Variants in DCLK1 observed in about 807,000 individuals in gnomAD.
The protein encoded by DCLK1 is doublecortin like kinase 1, also known as serine/threonine-protein kinase DCLK1.
A neutral mutation model predicts 86.2 loss-of-function variants in DCLK1; 16 were observed. The observed-to-expected ratio is 0.19, with a 90% CI of 0.13 to 0.28. The LOEUF (loss-of-function observed/expected upper bound fraction) is 0.28. Among genes scored for constraint, DCLK1 ranks in the 10% least tolerant of loss-of-function variants. DCLK1 has a pLI of 1.00. For missense variants in DCLK1, 590 were observed against 940.2 expected (o/e 0.63, Z 4.87); for synonymous variants, 369 against 370.5 (o/e 1.00, Z 0.05).
chr13:35,979,408 C>T (rs1224487165), intron 3 of DCLK1, among the ~76,000 whole-genome samples: 7 of 152,094 alleles, frequency 4.6e-5, no homozygotes, highest in African/African-American at 1.2e-4. Context: ...TGGGGTGAGG[C>T]GCAGAAAGCT....
chr13:35,785,794 A>G (rs1019280535), intron 16 of DCLK1, among the ~76,000 whole-genome samples: 1 of 152,218 alleles, frequency 6.6e-6, no homozygotes, highest in Non-Finnish European at 1.5e-5. Flanking sequence ...TTTGTGTTAG[A>G]AAGTTGGCTG....
intron 3 of DCLK1, among the ~76,000 whole-genome samples, chr13:36,089,357 C>T (rs1388663625): frequency 6.6e-6 from 1 of 152,200 alleles, no homozygotes; most frequent in Non-Finnish European, 1.5e-5. Flanking sequence ...TAGGCCTGAA[C>T]AGAAGCACAG....
At chr13:36,114,297 T>G (rs1178871264) in intron 2 of DCLK1, among the ~76,000 whole-genome samples, 3 of 152,178 alleles carry the variant, frequency 2.0e-5, no homozygotes, top group Non-Finnish European at 2.9e-5. Flanking sequence ...GCTGGTTTGG[T>G]TCAAGCAACA....
intron 4 of DCLK1, among the ~76,000 whole-genome samples, chr13:35,874,788 T>C (rs761365517): frequency 6.6e-6 from 1 of 152,136 alleles, no homozygotes; most frequent in African/African-American, 2.4e-5. Context: ...AAACAGAGCT[T>C]TGGAACGTGC....
intron 16 of DCLK1, among the ~76,000 whole-genome samples, chr13:35,780,596 T>C (rs1593581477): frequency 6.6e-6 from 1 of 152,324 alleles, no homozygotes; most frequent in East Asian, 1.9e-4. Flanking sequence ...TGAGTAATGA[T>C]GGCTTGGGGG....
At position 36,109,929 on chromosome 13, in the gene DCLK1, C is replaced by A. The variant is rs61948298; in HGVS notation, c.723+1940G>T. 7.6e-3 allele frequency among the ~76,000 whole-genome samples: 1,160 copies of A among 152,176 alleles called. 12 individuals carry two copies. The highest frequency in any genetic ancestry group is 0.022 in the Admixed American group (329 of 15,282). On this transcript the variant is annotated intron_variant, in intron 3 of 16. Coordinates refer to ENST00000360631, the MANE Select transcript of DCLK1 (RefSeq NM_001330071.2). Reference sequence around the variant, plus strand: ...TGTAGGGATTTATTCCTGAAATAAACAAAATTAAATAATCAGCTGATGGCA... The same window carrying A: ...TGTAGGGATTTATTCCTGAAATAAAAAAAATTAAATAATCAGCTGATGGCA...
intron 4 of DCLK1, among the ~76,000 whole-genome samples, chr13:35,932,167 G>A (rs533280874): frequency 6.6e-6 from 1 of 152,276 alleles, no homozygotes; most frequent in African/African-American, 2.4e-5. Context: ...CAGAACAAAA[G>A]GTAGATGAAG....
intron 4 of DCLK1, among the ~76,000 whole-genome samples, chr13:35,946,297 C>A (rs1325927052): frequency 6.6e-6 from 1 of 152,056 alleles, no homozygotes; most frequent in Non-Finnish European, 1.5e-5. Flanking sequence ...AGCCACCATG[C>A]CCATCCTCTA....
chr13:36,129,562 G>A (rs1317914592), intron 1 of DCLK1, among the ~76,000 whole-genome samples: 1 of 152,214 alleles, frequency 6.6e-6, no homozygotes, highest in Non-Finnish European at 1.5e-5. Context: ...CAACAAAATA[G>A]GTGTTCTTTC....
chr13:35,918,739 G>A (rs998439787), intron 4 of DCLK1, among the ~76,000 whole-genome samples: 2 of 152,030 alleles, frequency 1.3e-5, no homozygotes, highest in Middle Eastern at 3.4e-3. Context: ...ATGACTGGCC[G>A]TATCTACCTC....
chr13:35,923,363 T>C (rs1175881690), intron 4 of DCLK1, among the ~76,000 whole-genome samples: 1 of 151,712 alleles, frequency 6.6e-6, no homozygotes, highest in East Asian at 1.9e-4. Context: ...AAGATGCCAC[T>C]AGCTTCACTT....
At position 35,940,604 on chromosome 13, in the gene DCLK1, G is replaced by A. The variant is rs183445643; in HGVS notation, c.823+6754C>T. On this transcript the variant is annotated intron_variant, in intron 4 of 16. Coordinates refer to ENST00000360631, the MANE Select transcript of DCLK1 (RefSeq NM_001330071.2). The stretch of plus-strand genomic sequence containing the variant: ...CTTTAACCCAAATCAACATGGGCAC[G>A]GAGAGAGGGAAGCATTTACCAAGGG... Among the ~76,000 whole-genome samples the A allele has an allele frequency of 1.2e-3, 180 of 152,194 alleles. 1 individual carries two copies. The highest frequency in any genetic ancestry group is 2.0e-3 in the Non-Finnish European group (135 of 68,008).
chr13:35,969,772 C>T (rs1878978205), intron 3 of DCLK1, among the ~76,000 whole-genome samples: 1 of 152,064 alleles, frequency 6.6e-6, no homozygotes, highest in Non-Finnish European at 1.5e-5. Flanking sequence ...TGTGTTCCCC[C>T]TAGAATGTGT....
At chr13:35,787,276 G>A (rs997475327) in intron 16 of DCLK1, among the ~76,000 whole-genome samples, 1 of 131,782 alleles carries the variant, frequency 7.6e-6, no homozygotes, top group African/African-American at 3.7e-5. Flanking sequence ...GCCAAAACCA[G>A]TGGAATTTTT....
At chr13:35,925,389 G>A (rs754123539) in intron 4 of DCLK1, among the ~76,000 whole-genome samples, 1 of 152,194 alleles carries the variant, frequency 6.6e-6, no homozygotes, top group Non-Finnish European at 1.5e-5. Context: ...TATATAATTA[G>A]CAGCAGCACA....
chr13:35,986,521 A>G (rs1270803913), intron 3 of DCLK1, among the ~76,000 whole-genome samples: 1 of 152,070 alleles, frequency 6.6e-6, no homozygotes, highest in Admixed American at 6.5e-5. Context: ...ATCAGATCTG[A>G]GTAGCCAGCT....
intron 6 of DCLK1, among the ~76,000 whole-genome samples, chr13:35,844,285 T>C (rs561827031): frequency 6.6e-6 from 1 of 152,328 alleles, no homozygotes; most frequent in African/African-American, 2.4e-5. Flanking sequence ...ATGAAGTTGG[T>C]TTACTGAAAG....
chr13:35,996,457 T>C (rs1880482599), intron 3 of DCLK1, among the ~76,000 whole-genome samples: 1 of 152,162 alleles, frequency 6.6e-6, no homozygotes, highest in East Asian at 1.9e-4. Flanking sequence ...TGTTTTTAGA[T>C]GAGATTAACA....
chr13:35,867,925 G>GAAAGAAAGAA lies in DCLK1; in HGVS notation c.940+3289_940+3298dup, dbSNP rs778082597. The stretch of plus-strand genomic sequence containing the variant: ...AAAGAAAGAAAAAGAAAGAAAGAAA[G>GAAAGAAAGAA]AAAGAAAGAAAGAAAGAAAGAAAGA... On this transcript the variant is annotated intron_variant, in intron 5 of 16. Coordinates refer to ENST00000360631, the MANE Select transcript of DCLK1 (RefSeq NM_001330071.2). Among the ~76,000 whole-genome samples, 2 of 126,120 alleles carry GAAAGAAAGAA rather than the reference G, an allele frequency of 1.6e-5. 1 individual carries two copies. The highest frequency in any genetic ancestry group is 6.6e-5 in the African/African-American group (2 of 30,334). 82.7% of individuals were successfully genotyped at this position (126,120 alleles called of 152,430 possible). A position where few individuals can be genotyped will look rare whatever the true frequency, so the allele number is the denominator to read the frequency against.
Sources: allele counts gnomAD v4.1 joint callset (sites outside exome capture counted in the v4.1 genomes callset), GRCh38; gene constraint gnomAD v4.1.1; transcripts MANE v1.5; gene names NCBI Gene and HGNC (gene_info 2026-07-23, HGNC 2026-07-21).